PCDH15: variants seen among roughly 807,000 people sequenced by gnomAD.
PCDH15 encodes the protein protocadherin related 15.
Under a neutral mutation model 178.5 loss-of-function variants are expected in PCDH15, and 129 were observed. The observed-to-expected ratio is 0.72, with a 90% confidence interval of 0.63 to 0.84. The LOEUF is 0.84. Ranked by LOEUF, PCDH15 falls within the 40% of genes least tolerant of loss-of-function variation. The pLI is 0.00. For synonymous variants in PCDH15, 800 were observed against 732.0 expected (o/e 1.09, Z -1.50); for missense variants, 2,230 against 2,099.9 (o/e 1.06, Z -1.21).
intron 1 of PCDH15, among the ~76,000 whole-genome samples, chr10:54,683,032 A>G (rs1218665903): frequency 6.6e-6 from 1 of 152,162 alleles, no homozygotes; most frequent in African/African-American, 2.4e-5. Flanking sequence ...CTCTGAATCT[A>G]TAATTTAAAA....
At chr10:54,101,206 G>A (rs1379167558) in intron 15 of PCDH15, among the ~76,000 whole-genome samples, 1 of 152,190 alleles carries the variant, frequency 6.6e-6, no homozygotes, top group Non-Finnish European at 1.5e-5. Flanking sequence ...CGCCATGTGA[G>A]ACATGCCTTT....
chr10:54,164,529 A>G (rs2046017812), intron 13 of PCDH15, among the ~76,000 whole-genome samples: 1 of 152,208 alleles, frequency 6.6e-6, no homozygotes, highest in African/African-American at 2.4e-5. Context: ...ATAAAAAGGC[A>G]GAAGTAATAG....
chr10:54,400,031 C>T lies in PCDH15; in HGVS notation c.158-21089G>A, dbSNP rs148003631. On this transcript the variant is annotated intron_variant, in intron 3 of 37. Coordinates refer to ENST00000644397, the MANE Select transcript of PCDH15 (RefSeq NM_001384140.1). ...GTTGAAGAAACAGAGATGAATAAGG[C>T]AGAGAGAGAGCAAGGTTGTTGACAC... is the stretch of plus-strand genomic sequence containing the variant. 7.9e-3 allele frequency among the ~76,000 whole-genome samples: 1,204 copies of T among 152,046 alleles called. 13 individuals are homozygous for T. The highest frequency in any genetic ancestry group is 0.026 in the African/African-American group (1,092 of 41,502).
chr10:55,031,565 T>C (rs1354316284), intron 2 of PCDH15, among the ~76,000 whole-genome samples: 1 of 152,158 alleles, frequency 6.6e-6, no homozygotes, highest in Non-Finnish European at 1.5e-5. Flanking sequence ...TGGTGTCAGA[T>C]TCAGGAAAGG....
intron 2 of PCDH15, among the ~76,000 whole-genome samples, chr10:54,621,890 A>G (rs7073270): frequency 0.03 from 4,555 of 152,186 alleles, 219 homozygotes; most frequent in African/African-American, 0.099. Context: ...GAAACATTAG[A>G]GAAAGGGTGA....
chr10:53,833,439 T>C (rs10740556), intron 29 of PCDH15, among the ~76,000 whole-genome samples: 58,274 of 151,944 alleles, frequency 0.38, 11,856 homozygotes, highest in East Asian at 0.75. Context: ...ACTTTGTGTA[T>C]TTAAAACAAC....
intron 1 of PCDH15, among the ~76,000 whole-genome samples, chr10:55,191,666 A>G (rs1049735401): frequency 6.6e-6 from 1 of 151,900 alleles, no homozygotes; most frequent in Non-Finnish European, 1.5e-5. Context: ...TTGTTCCATA[A>G]TCAGTTGATA....
chr10:55,377,549 T>C (rs2131996769), intron 2 of PCDH15, among the ~76,000 whole-genome samples: 1 of 152,210 alleles, frequency 6.6e-6, no homozygotes, highest in East Asian at 1.9e-4. Context: ...TAGCTTGCTA[T>C]ATTTAGTTGC....
intron 2 of PCDH15, among the ~76,000 whole-genome samples, chr10:55,371,468 A>G (rs1845507143): frequency 6.6e-6 from 1 of 152,048 alleles, no homozygotes; most frequent in Non-Finnish European, 1.5e-5. Context: ...TTGAATTGTA[A>G]TCCCCACTGT....
At position 54,331,547 on chromosome 10, in the gene PCDH15, T is replaced by C. The variant is rs140382349; in HGVS notation, c.595-1841A>G. Among the ~76,000 whole-genome samples, 254 of 152,174 alleles carry C rather than the reference T, an allele frequency of 1.7e-3. 1 individual carries two copies. The highest frequency in any genetic ancestry group is 5.9e-3 in the African/African-American group (247 of 41,570). On this transcript the variant is annotated intron_variant, in intron 6 of 37. Coordinates refer to ENST00000644397, the MANE Select transcript of PCDH15 (RefSeq NM_001384140.1). The stretch of plus-strand genomic sequence containing the variant: ...ATACCTATGAGTGGGGCTGGCATTA[T>C]GACACAGGAGTGTGAAAATGATTGA...
At chr10:55,613,017 A>ATTTTTTTTTTTTT (rs34403286) in intron 2 of PCDH15, among the ~76,000 whole-genome samples, 2 of 82,408 alleles carry the variant, frequency 2.4e-5, no homozygotes, top group Admixed American at 3.0e-4. Flanking sequence ...TACTAGCCAG[A>ATTTTTTTTTTTTT]TTTTTTTTTT....
At chr10:54,639,985 T>C (rs2093954017) in intron 2 of PCDH15, among the ~76,000 whole-genome samples, 1 of 152,142 alleles carries the variant, frequency 6.6e-6, no homozygotes, top group African/African-American at 2.4e-5. Context: ...ATCTGGAGGC[T>C]GAGGAAGGAA....
At chr10:55,273,199 AAAT>A (rs1186479730) in intron 1 of PCDH15, among the ~76,000 whole-genome samples, 1 of 152,156 alleles carries the variant, frequency 6.6e-6, no homozygotes, top group African/African-American at 2.4e-5. Flanking sequence ...ATAATTAGAA[AAAT>A]AATACTAAAA....
rs561736893 is a variant in PCDH15, at chr10:54,319,250, C to G, written c.706-1809G>C. Among the ~76,000 whole-genome samples the G allele has an allele frequency of 2.6e-5, 4 of 152,188 alleles. No homozygotes were observed. The South Asian group carries it at 8.3e-4, about 32-fold the overall frequency. On this transcript the variant is annotated intron_variant, in intron 7 of 37. Coordinates refer to ENST00000644397, the MANE Select transcript of PCDH15 (RefSeq NM_001384140.1). Reference sequence around the variant, plus strand: ...GCATGCATGTTCATGTAGCACTATTCACAACAGACAAAACTTGGCAAAAGC... The same window carrying G: ...GCATGCATGTTCATGTAGCACTATTGACAACAGACAAAACTTGGCAAAAGC...
At chr10:55,069,463 T>G (rs1841664454) in intron 2 of PCDH15, among the ~76,000 whole-genome samples, 1 of 125,014 alleles carries the variant, frequency 8.0e-6, no homozygotes, top group African/African-American at 3.0e-5. Context: ...GAGTGTGATG[T>G]TCCCCTTCCT....
chr10:53,808,741 T>C, intron 37 of PCDH15: 3 of 1,613,138 alleles, frequency 1.9e-6, no homozygotes, highest in Non-Finnish European at 2.5e-6. Context: ...CGACTTCTTT[T>C]GGTTTGCATT....
chr10:54,536,521 T>C (rs895264868), intron 2 of PCDH15, among the ~76,000 whole-genome samples: 1 of 152,140 alleles, frequency 6.6e-6, no homozygotes, highest in Non-Finnish European at 1.5e-5. Context: ...CTTTTATATT[T>C]AGGAGGTATA....
intron 3 of PCDH15, among the ~76,000 whole-genome samples, chr10:54,826,105 T>A (rs938892930): frequency 6.6e-6 from 1 of 152,228 alleles, no homozygotes; most frequent in East Asian, 1.9e-4. Context: ...CTTTCTGTTA[T>A]ACTATAAGTT....
intron 2 of PCDH15, among the ~76,000 whole-genome samples, chr10:55,007,614 T>A (rs1229863435): frequency 6.6e-6 from 1 of 152,188 alleles, no homozygotes. Context: ...TTTTCTTGTT[T>A]GTTTGTTCCT....
Sources: gnomAD v4.1 joint callset for allele counts (sites outside exome capture counted in the v4.1 genomes callset) on GRCh38, gnomAD v4.1.1 for gene constraint, MANE v1.5 for transcripts, NCBI Gene and HGNC (gene_info 2026-07-23, HGNC 2026-07-21) for gene names.